ESRRB: variants seen among roughly 807,000 people sequenced by gnomAD.
The protein encoded by ESRRB is estrogen related receptor beta.
Under a neutral mutation model 46.0 loss-of-function variants are expected in ESRRB, and 16 were observed. That is an observed-to-expected ratio of 0.35 (90% CI 0.24 to 0.53). The LOEUF is 0.53. ESRRB is among the 20% of genes least tolerant of loss of function. The pLI, the probability that ESRRB is intolerant of heterozygous loss-of-function variation, is 0.93. For synonymous variants in ESRRB, 246 were observed against 259.6 expected (o/e 0.95, Z 0.50); for missense variants, 488 against 607.4 (o/e 0.80, Z 2.07).
At chr14:76,433,002 C>T (rs570260229) in intron 1 of ESRRB, among the ~76,000 whole-genome samples, 34 of 152,078 alleles carry the variant, frequency 2.2e-4, no homozygotes, top group Non-Finnish European at 4.1e-4. Context: ...TTACAAGATC[C>T]TCTCATGATG....
At chr14:76,357,222 G>A (rs1884389595) in intron 1 of ESRRB, among the ~76,000 whole-genome samples, 1 of 152,242 alleles carries the variant, frequency 6.6e-6, no homozygotes, top group African/African-American at 2.4e-5. Flanking sequence ...TAAGGTGCAA[G>A]GAGGAGCTCA....
chr14:76,429,477 G>A (rs1250972777), intron 1 of ESRRB, among the ~76,000 whole-genome samples: 2 of 152,114 alleles, frequency 1.3e-5, no homozygotes, highest in South Asian at 2.1e-4. Context: ...CAGGCCGGGC[G>A]CAGTGGCTCA....
intron 2 of ESRRB, among the ~76,000 whole-genome samples, chr14:76,448,106 A>C (rs1888227904): frequency 6.6e-6 from 1 of 151,320 alleles, no homozygotes; most frequent in African/African-American, 2.4e-5. Context: ...TGTTGCACCT[A>C]CTCCCAACCT....
At chr14:76,435,368 T>C (rs1196672814) in intron 1 of ESRRB, among the ~76,000 whole-genome samples, 1 of 152,254 alleles carries the variant, frequency 6.6e-6, no homozygotes, top group Non-Finnish European at 1.5e-5. Context: ...CTCTGTGCAC[T>C]TGTGTTGGCT....
At chr14:76,386,973 G>A (rs558148880) in intron 1 of ESRRB, among the ~76,000 whole-genome samples, 1 of 152,150 alleles carries the variant, frequency 6.6e-6, no homozygotes, top group Admixed American at 6.5e-5. Context: ...TGGGGTGCTG[G>A]ACTGCCAGAA....
At chr14:76,421,142 G>C (rs1345128348) in intron 1 of ESRRB, among the ~76,000 whole-genome samples, 1 of 152,212 alleles carries the variant, frequency 6.6e-6, no homozygotes, top group African/African-American at 2.4e-5. Context: ...AGCCGGAGGA[G>C]GACAGAGCCC....
intron 2 of ESRRB, among the ~76,000 whole-genome samples, chr14:76,459,335 G>A (rs565648398): frequency 6.6e-6 from 1 of 152,312 alleles, no homozygotes; most frequent in Admixed American, 6.5e-5. Context: ...AGTAGGTGGA[G>A]GAGGCAGACA....
chr14:76,376,856 C>T lies in ESRRB; in HGVS notation c.50+405C>T, dbSNP rs763772217. 6.6e-6 allele frequency among the ~76,000 whole-genome samples: 1 copy of T among 152,202 alleles called. No homozygotes were observed. The highest frequency in any genetic ancestry group is 1.5e-5 in the Non-Finnish European group (1 of 68,042). On this transcript the variant is annotated intron_variant, in intron 1 of 6. Transcript: ENST00000644823. The surrounding 1 kb of genome is among the most constrained non-coding windows in gnomAD (Gnocchi z 4.1). ...CCTGTCCCGTCAGAGAAAGCCTTTC[C>T]CGCGGGCGCTTTGTTTTATTATTTC...
intron 3 of ESRRB, among the ~76,000 whole-genome samples, chr14:76,471,978 A>G (rs1034437274): frequency 3.3e-5 from 5 of 152,202 alleles, no homozygotes; most frequent in African/African-American, 1.2e-4. Context: ...GGCACAGGTG[A>G]TAAGTCTTTG....
intron 2 of ESRRB, among the ~76,000 whole-genome samples, chr14:76,442,816 C>CTTTTTTTTTTT (rs1245748328): frequency 2.8e-4 from 37 of 131,076 alleles, no homozygotes; most frequent in Non-Finnish European, 3.9e-4. Flanking sequence ...TCTTTTTTTT[C>CTTTTTTTTTTT]TTTTTTTTTT....
chr14:76,402,570 A>C (rs929910939), intron 1 of ESRRB, among the ~76,000 whole-genome samples: 2 of 152,242 alleles, frequency 1.3e-5, no homozygotes, highest in African/African-American at 4.8e-5. Context: ...CTGCTGTGCC[A>C]GCTGCAAGAA....
chr14:76,459,405 G>C (rs1451171200), intron 2 of ESRRB, among the ~76,000 whole-genome samples: 1 of 152,144 alleles, frequency 6.6e-6, no homozygotes, highest in Non-Finnish European at 1.5e-5. Flanking sequence ...CTCCCCATGT[G>C]GGACCTGGAG....
intron 2 of ESRRB, among the ~76,000 whole-genome samples, chr14:76,462,117 C>T (rs912009878): frequency 5.3e-5 from 8 of 152,168 alleles, no homozygotes; most frequent in African/African-American, 1.9e-4. Flanking sequence ...TTCCAGGAGG[C>T]TTTTCCCACA....
intron 1 of ESRRB, among the ~76,000 whole-genome samples, chr14:76,358,061 C>T (rs1276299285): frequency 6.6e-6 from 1 of 151,696 alleles, no homozygotes; most frequent in Non-Finnish European, 1.5e-5. Flanking sequence ...CCTGTAATCC[C>T]AGCACTTTGG....
chr14:76,462,634 T>G lies in ESRRB; in HGVS notation c.550T>G (p.Cys184Gly). 1 of 1,613,882 alleles carries G rather than the reference T, an allele frequency of 6.2e-7. No homozygotes were observed. The highest frequency in any genetic ancestry group is 8.5e-7 in the Non-Finnish European group (1 of 1,179,854). Residue 184 changes from cysteine (C) to glycine (G), a missense_variant, in exon 3 of 7, where the codon TGC becomes GGC. Transcript: ENST00000644823. The part of the protein sequence containing the change: ...KSCQACRFMK[C>G]LKVGMLKEGV... ...CTGCCAGGCCTGCCGCTTCATGAAA[T>G]GCCTCAAAGTGGGGATGCTGAAGGA...
intron 1 of ESRRB, among the ~76,000 whole-genome samples, chr14:76,395,257 A>G (rs61979391): frequency 0.15 from 22,627 of 152,246 alleles, 2,081 homozygotes; most frequent in Non-Finnish European, 0.21. Context: ...GCTGTCAGGC[A>G]GCATCCCAGC....
chr14:76,400,478 G>A (rs7152540), intron 1 of ESRRB, among the ~76,000 whole-genome samples: 34,494 of 152,150 alleles, frequency 0.23, 4,047 homozygotes, highest in East Asian at 0.4. Flanking sequence ...TGATTCTCAG[G>A]TTAGAGTCTT....
At chr14:76,447,244 T>TCCTC (rs889019575) in intron 2 of ESRRB, among the ~76,000 whole-genome samples, 1 of 8,410 alleles carries the variant, frequency 1.2e-4, no homozygotes, top group Admixed American at 1.2e-3. Flanking sequence ...TTCTAAAGTC[T>TCCTC]CCTTCCTTCC....
chr14:76,379,780 G>A (rs769410673), intron 1 of ESRRB, among the ~76,000 whole-genome samples: 6 of 142,800 alleles, frequency 4.2e-5, no homozygotes, highest in Non-Finnish European at 6.0e-5. Flanking sequence ...CTTGGAGTTT[G>A]TTACTTCCCC....
Sources: allele counts gnomAD v4.1 joint callset (sites outside exome capture counted in the v4.1 genomes callset), GRCh38; gene constraint gnomAD v4.1.1; non-coding constraint Gnocchi (gnomAD v3.1); transcripts MANE v1.5; gene names NCBI Gene and HGNC (gene_info 2026-07-23, HGNC 2026-07-21).